The following ZNF185 variants were observed in gnomAD, a reference collection of about 807,000 sequenced individuals.
ZNF185 encodes zinc finger protein 185.
Under a neutral mutation model 58.6 loss-of-function variants are expected in ZNF185, and 56 were observed. The observed-to-expected ratio is 0.95, with a 90% CI of 0.77 to 1.19. The LOEUF is 1.19. Ranked by LOEUF, ZNF185 falls within the 50% of genes most tolerant of loss-of-function variation. The probability of loss-of-function intolerance (pLI) is 0.00; values close to 1 mark genes in which losing one functional copy is unlikely to be tolerated. For synonymous variants in ZNF185, 230 were observed against 215.9 expected (o/e 1.07, Z -0.57); for missense variants, 627 against 573.5 (o/e 1.09, Z -0.95).
At chrX:152,915,034 C>A (rs1473760347) in intron 2 of ZNF185, 104 bp from the exon 4 acceptor site, 27 of 1,039,148 alleles carry the variant, frequency 2.6e-5, no homozygotes, top group Non-Finnish European at 3.5e-5. Context: ...GAATGTGTGG[C>A]AGAAATGGCA....
At chrX:152,972,054 T>C (rs947921509) in exon 23 of ZNF185, 2 of 112,001 alleles carry the variant, frequency 1.8e-5, no homozygotes, top group East Asian at 5.6e-4. Flanking sequence ...GGTTTTAGGG[T>C]GTATAGATCC....
chrX:152,938,486 A>C (rs1235303740), intron 15 of ZNF185, among the ~76,000 whole-genome samples: 1 of 112,082 alleles, frequency 8.9e-6, no homozygotes, highest in East Asian at 2.8e-4. Flanking sequence ...AGGAACTCTC[A>C]GGCAGGGGGT....
Position 152,938,637 on chromosome X carries a change from T to C in ZNF185, c.1211+474T>C, listed in dbSNP as rs547793223. ...TGCTGGAAGAGGAGGCTCAGTGAAC[T>C]AGGTAGGGCTTGATTGGCCTCTTGT... On this transcript the variant is annotated intron_variant, in intron 15 of 22. Coordinates refer to ENST00000449285, the Ensembl canonical transcript of ZNF185. 4.5e-5 allele frequency among the ~76,000 whole-genome samples: 5 copies of C among 111,127 alleles called. No individual in the cohort carries two copies. In the East Asian group the frequency reaches 1.4e-3, roughly 32 times the overall value.
intron 16 of ZNF185, among the ~76,000 whole-genome samples, chrX:152,947,239 C>T (rs1275569623): frequency 9.0e-6 from 1 of 110,645 alleles, no homozygotes; most frequent in Non-Finnish European, 1.9e-5. Flanking sequence ...AAACATTAGC[C>T]AGGTGTGGTG....
At position 152,938,550 on chromosome X, in the gene ZNF185, G is replaced by A. The variant is rs918548231; in HGVS notation, c.1211+387G>A. ...TACATGAGCGCTAGAGCAGGGGAAG[G>A]GGGCTTCATGGGGACTGTATGTAGC... On this transcript the variant is annotated intron_variant, in intron 15 of 22. Transcript: ENST00000449285. Among the ~76,000 whole-genome samples the A allele has an allele frequency of 2.7e-5, 3 of 111,192 alleles. No individual in the cohort carries two copies. In the South Asian group the frequency reaches 1.1e-3, roughly 42 times the overall value.
chrX:152,968,683 G>A lies in ZNF185; in HGVS notation c.1872-699G>A, dbSNP rs1894357. On this transcript the variant is annotated intron_variant, in intron 20 of 22. Transcript: ENST00000449285. ...GGATCTAGATTGTTAATGTCCCCCC[G>A]CCCCTTGGGCTTCTGTCAGAAGCAG... is the stretch of plus-strand genomic sequence containing the variant. Among the ~76,000 whole-genome samples the A allele has an allele frequency of 6.5e-3, 734 of 112,791 alleles. 8 individuals are homozygous for A. The highest frequency in any genetic ancestry group is 0.022 in the African/African-American group (670 of 31,102).
chrX:152,900,889 GT>G, the ZNF185 span, among the ~76,000 whole-genome samples: 50 of 112,612 alleles, frequency 4.4e-4, 1 homozygote, highest in East Asian at 0.012. Context: ...TGAGGCCTCT[GT>G]TTTCTCACCA....
chrX:152,971,827 A>G (rs951002635), exon 23 of ZNF185: 1 of 112,232 alleles, frequency 8.9e-6, no homozygotes, highest in Non-Finnish European at 1.9e-5. Context: ...GCAGTTTTTC[A>G]TTTGGTCTTC....
At chrX:152,935,238 C>CTTTTT (rs61588750) in intron 14 of ZNF185, among the ~76,000 whole-genome samples, 1 of 97,233 alleles carries the variant, frequency 1.0e-5, no homozygotes, top group African/African-American at 3.8e-5. Flanking sequence ...ATTGTTTTTC[C>CTTTTT]TTTTTTTTTT....
intron 18 of ZNF185, 84 bp downstream of exon 20, chrX:152,964,033 T>C: frequency 1.1e-6 from 1 of 936,546 alleles, no homozygotes; most frequent in Non-Finnish European, 1.5e-6. Context: ...TTGTTCCATG[T>C]TGCTTCCCAT....
At chrX:152,929,079 G>A (rs1437928502) in intron 12 of ZNF185, among the ~76,000 whole-genome samples, 1 of 111,972 alleles carries the variant, frequency 8.9e-6, no homozygotes, top group Non-Finnish European at 1.9e-5. Context: ...GTTGGTGGGG[G>A]TGGGAGGAGG....
intron 15 of ZNF185, chrX:152,941,700 C>A (rs1395901538): frequency 8.6e-7 from 1 of 1,163,418 alleles, no homozygotes; most frequent in Non-Finnish European, 1.1e-6. Flanking sequence ...CGACCGTCCA[C>A]AAAGTGAAAT....
At chrX:152,967,216 G>A in exon 20 of ZNF185, 6 of 1,211,238 alleles carry the variant, frequency 5.0e-6, no homozygotes, top group Non-Finnish European at 5.6e-6. Flanking sequence ...GCCTCCATGT[G>A]GCAGCACTCC....
intron 11 of ZNF185, among the ~76,000 whole-genome samples, chrX:152,923,673 C>T (rs1347595417): frequency 8.9e-6 from 1 of 112,132 alleles, no homozygotes; most frequent in Non-Finnish European, 1.9e-5. Flanking sequence ...CATCAAGCAC[C>T]GGATTCTCAT....
intron 20 of ZNF185, among the ~76,000 whole-genome samples, chrX:152,968,915 G>T (rs1310740738): frequency 9.0e-6 from 1 of 111,674 alleles, no homozygotes; most frequent in Admixed American, 9.5e-5. Context: ...GAGCATGAAG[G>T]GTGGGTCCAG....
the ZNF185 span, among the ~76,000 whole-genome samples, chrX:152,900,982 G>C: frequency 6.2e-5 from 7 of 112,475 alleles, no homozygotes; most frequent in African/African-American, 2.3e-4. Context: ...GAGGTGCTCT[G>C]TCACGGAAGG....
At chrX:152,925,362 T>C (rs1556872050) in intron 11 of ZNF185, among the ~76,000 whole-genome samples, 1 of 111,830 alleles carries the variant, frequency 8.9e-6, no homozygotes, top group Non-Finnish European at 1.9e-5. Flanking sequence ...TGCTGTATTA[T>C]AGATTTAAAA....
chrX:152,963,794 C>G, intron 17 of ZNF185, 45 bp from the exon 20 acceptor site: 2 of 1,148,320 alleles, frequency 1.7e-6, no homozygotes, highest in South Asian at 3.8e-5. Context: ...TGGAAGGTGT[C>G]AGCTCCCAGG....
chrX:152,941,831 G>A, intron 15 of ZNF185: 2 of 1,155,379 alleles, frequency 1.7e-6, no homozygotes, highest in Non-Finnish European at 2.3e-6. Flanking sequence ...CTTCCCCCGC[G>A]TAAGGTCTGA....
Sources: gnomAD v4.1 joint callset for allele counts (sites outside exome capture counted in the v4.1 genomes callset) on GRCh38, gnomAD v4.1.1 for gene constraint, MANE v1.5 for transcripts, NCBI Gene and HGNC (gene_info 2026-07-23, HGNC 2026-07-21) for gene names.